DIAPH2: variants seen among roughly 807,000 people sequenced by gnomAD.
DIAPH2 encodes diaphanous related formin 2.
A neutral mutation model predicts 92.7 loss-of-function variants in DIAPH2; 35 were observed. That is an observed-to-expected ratio of 0.38 (90% confidence interval 0.29 to 0.50). DIAPH2 has a LOEUF of 0.50. Ranked by LOEUF, DIAPH2 falls within the 20% of genes least tolerant of loss-of-function variation. DIAPH2 has a pLI of 0.94. For missense variants in DIAPH2, 701 were observed against 819.5 expected (o/e 0.86, Z 1.77); for synonymous variants, 301 against 280.4 (o/e 1.07, Z -0.73).
intron 15 of DIAPH2, among the ~76,000 whole-genome samples, chrX:96,957,530 G>C (rs924940847): frequency 1.8e-5 from 2 of 111,079 alleles, no homozygotes; most frequent in East Asian, 5.7e-4. Flanking sequence ...ATCACGATTT[G>C]GGTGGGAACA....
At chrX:96,810,659 G>A (rs233687) in intron 4 of DIAPH2, among the ~76,000 whole-genome samples, 54,894 of 110,280 alleles carry the variant, frequency 0.5, 11,196 homozygotes, top group African/African-American at 0.79. Context: ...TAGGTCTAAC[G>A]TTTAAGTCTT....
intron 19 of DIAPH2, among the ~76,000 whole-genome samples, chrX:97,087,605 G>A (rs2066792678): frequency 9.0e-6 from 1 of 111,403 alleles, no homozygotes; most frequent in Admixed American, 9.5e-5. Flanking sequence ...CCTTTAGAAG[G>A]GGGGAAATGT....
At chrX:97,390,208 C>CTTTTTTTTTTTTTTTTT (rs142044871) in intron 25 of DIAPH2, among the ~76,000 whole-genome samples, 3 of 33,174 alleles carry the variant, frequency 9.0e-5, no homozygotes, top group Non-Finnish European at 4.8e-5. Flanking sequence ...TGCTTTCTGT[C>CTTTTTTTTTTTTTTTTT]TTTTTTTTTT....
At chrX:96,982,472 A>T (rs1234666979) in intron 17 of DIAPH2, among the ~76,000 whole-genome samples, 2 of 112,322 alleles carry the variant, frequency 1.8e-5, no homozygotes, top group Non-Finnish European at 3.8e-5. Context: ...GTTTCCTAGC[A>T]TGTAATTGCT....
chrX:97,063,266 TTGAGAGACTCAGTA>T (rs74826562), intron 17 of DIAPH2, among the ~76,000 whole-genome samples: 17,877 of 110,473 alleles, frequency 0.16, 1,208 homozygotes, highest in East Asian at 0.34. Context: ...AACAAACAAA[TTGAGAGACTCAGTA>T]ATATTTTTAT....
chrX:97,071,457 G>A (rs1240401580), intron 17 of DIAPH2, among the ~76,000 whole-genome samples: 1 of 110,803 alleles, frequency 9.0e-6, no homozygotes, highest in Admixed American at 9.6e-5. Flanking sequence ...AATCCACATG[G>A]CAAACTGCTT....
chrX:96,962,440 TAC>T (rs1169756802), intron 16 of DIAPH2, among the ~76,000 whole-genome samples: 2 of 70,225 alleles, frequency 2.8e-5, no homozygotes, highest in African/African-American at 1.3e-4. Context: ...CATATATATA[TAC>T]ATATATACAC....
intron 26 of DIAPH2, among the ~76,000 whole-genome samples, chrX:97,546,914 A>G (rs1203609587): frequency 9.0e-6 from 1 of 111,499 alleles, no homozygotes; most frequent in Non-Finnish European, 1.9e-5. Context: ...TAGTATGACT[A>G]TATGACCTCA....
chrX:97,121,799 C>T (rs1189456954), intron 21 of DIAPH2, among the ~76,000 whole-genome samples: 1 of 111,633 alleles, frequency 9.0e-6, no homozygotes, highest in African/African-American at 3.3e-5. Context: ...AGAAAATAAT[C>T]ACTATAGGAT....
intron 25 of DIAPH2, among the ~76,000 whole-genome samples, chrX:97,404,469 ATTTCTTTTTTCTT>A (rs1176607055): frequency 9.0e-6 from 1 of 111,688 alleles, no homozygotes; most frequent in Non-Finnish European, 1.9e-5. Flanking sequence ...TATTGTTTAC[ATTTCTTTTTTCTT>A]TAATGAAAAA....
chrX:97,185,417 A>G (rs2067583398), intron 22 of DIAPH2, among the ~76,000 whole-genome samples: 2 of 56,734 alleles, frequency 3.5e-5, no homozygotes, highest in African/African-American at 1.9e-4. Flanking sequence ...ATATGTATAT[A>G]TATATGTATA....
At chrX:97,302,010 C>A (rs766989204) in intron 23 of DIAPH2, among the ~76,000 whole-genome samples, 1 of 107,492 alleles carries the variant, frequency 9.3e-6, no homozygotes, top group Admixed American at 1.0e-4. Context: ...GTCAAGAGAT[C>A]GAGAACATCC....
chrX:97,262,131 A>G (rs1200226540), intron 23 of DIAPH2, among the ~76,000 whole-genome samples: 4 of 108,897 alleles, frequency 3.7e-5, no homozygotes, highest in African/African-American at 1.3e-4. Context: ...CTTTGAGCAT[A>G]TATTCACATA....
chrX:97,513,867 G>A (rs1178355118), intron 26 of DIAPH2, among the ~76,000 whole-genome samples: 1 of 103,175 alleles, frequency 9.7e-6, no homozygotes, highest in Non-Finnish European at 2.0e-5. Context: ...TATGGTTTCT[G>A]CCGAGAGATC....
At chrX:96,740,703 T>C (rs1368351237) in intron 3 of DIAPH2, among the ~76,000 whole-genome samples, 1 of 111,829 alleles carries the variant, frequency 8.9e-6, no homozygotes, top group Non-Finnish European at 1.9e-5. Flanking sequence ...CCCTCTCTAG[T>C]TGTTTCTCAT....
At chrX:96,886,091 T>A (rs1243731652) in intron 5 of DIAPH2, among the ~76,000 whole-genome samples, 1 of 110,650 alleles carries the variant, frequency 9.0e-6, no homozygotes, top group Non-Finnish European at 1.9e-5. Context: ...TTATCCAGAA[T>A]TTTTTCTTTT....
intron 25 of DIAPH2, among the ~76,000 whole-genome samples, chrX:97,414,878 C>A (rs745641278): frequency 9.0e-6 from 1 of 111,370 alleles, no homozygotes; most frequent in East Asian, 2.8e-4. Flanking sequence ...AACTAAAGTG[C>A]TTCCGCACAG....
chrX:97,256,526 C>A (rs1244999600), intron 23 of DIAPH2, among the ~76,000 whole-genome samples: 1 of 112,023 alleles, frequency 8.9e-6, no homozygotes, highest in African/African-American at 3.2e-5. Flanking sequence ...AAAAATATAT[C>A]AGTATGTTTT....
intron 4 of DIAPH2, among the ~76,000 whole-genome samples, chrX:96,851,931 TC>T (rs1186928916): frequency 8.9e-6 from 1 of 112,198 alleles, no homozygotes; most frequent in African/African-American, 3.2e-5. Context: ...TTGTAAGAAT[TC>T]CACTGTAGAT....
Sources: allele counts gnomAD v4.1 joint callset (sites outside exome capture counted in the v4.1 genomes callset), GRCh38; gene constraint gnomAD v4.1.1; transcripts MANE v1.5; gene names NCBI Gene and HGNC (gene_info 2026-07-23, HGNC 2026-07-21).